The following ADAM32 variants were observed in gnomAD, a reference collection of about 807,000 sequenced individuals.
ADAM32 encodes the protein disintegrin and metalloproteinase domain-containing protein 32.
In ADAM32, 89 loss-of-function variants were observed where a neutral mutation model predicts 114.9. That is an observed-to-expected ratio of 0.77 (90% CI 0.65 to 0.92). ADAM32 has a LOEUF of 0.92. Ranked by LOEUF, ADAM32 falls within the 40% of genes least tolerant of loss-of-function variation. The pLI is 0.00. For synonymous variants in ADAM32, 285 were observed against 307.5 expected (o/e 0.93, Z 0.77); for missense variants, 870 against 932.8 (o/e 0.93, Z 0.88).
chr8:39,232,774 G>T lies in ADAM32; in HGVS notation c.1634+639G>T, dbSNP rs530182838. 3.3e-5 allele frequency among the ~76,000 whole-genome samples: 5 copies of T among 152,226 alleles called. No homozygotes were observed. In the South Asian group the frequency reaches 1.0e-3, roughly 32 times the overall value. On this transcript the variant is annotated intron_variant, in intron 15 of 24. Transcript: ENST00000379907. The stretch of plus-strand genomic sequence containing the variant: ...CTCCTCTATGAAGTTTTTCTTAACT[G>T]TGAAGTTAGAATGTGTCCTCTAACC...
chr8:39,271,606 A>G (rs2129451340), intron 20 of ADAM32, among the ~76,000 whole-genome samples: 1 of 152,260 alleles, frequency 6.6e-6, no homozygotes, highest in South Asian at 2.1e-4. Context: ...TAAACAAGAA[A>G]TAAAGGAGCT....
At chr8:39,173,865 C>T (rs1363195709) in intron 10 of ADAM32, among the ~76,000 whole-genome samples, 1 of 152,014 alleles carries the variant, frequency 6.6e-6, no homozygotes, top group Non-Finnish European at 1.5e-5. Flanking sequence ...CACTCTGTAG[C>T]CCAGGCTGGA....
chr8:39,162,345 A>C (rs1299862337), intron 7 of ADAM32, among the ~76,000 whole-genome samples: 2 of 151,894 alleles, frequency 1.3e-5, no homozygotes, highest in East Asian at 1.9e-4. Context: ...TGAACTCATC[A>C]TTTTTTATGG....
chr8:39,171,824 GTTC>G (rs1020475399), intron 10 of ADAM32, among the ~76,000 whole-genome samples: 16 of 150,736 alleles, frequency 1.1e-4, no homozygotes, highest in African/African-American at 1.7e-4. Context: ...TTAAATATTG[GTTC>G]TTATTTTTAA....
At chr8:39,270,504 C>G (rs754198535) in intron 19 of ADAM32, among the ~76,000 whole-genome samples, 1 of 152,192 alleles carries the variant, frequency 6.6e-6, no homozygotes, top group Non-Finnish European at 1.5e-5. Context: ...TACTAAATCT[C>G]TGGCCTCAGA....
chr8:39,223,195 C>A lies in ADAM32; in HGVS notation c.1482C>A (p.Asp494Glu), dbSNP rs374870426. 3.1e-6 allele frequency: 5 copies of A among 1,597,598 alleles called. No individual in the cohort carries two copies. Among genetic ancestry groups the A allele is most frequent in the African/African-American group, 1.3e-5 (1 of 74,254 alleles). The change falls in exon 14 of 25, where the codon GAC (aspartate) becomes GAA (glutamate). Residue 494 changes from aspartate (D) to glutamate (E), a missense_variant. Asp to Glu is a conservative substitution (Grantham distance 45, BLOSUM62 2). Transcript: ENST00000379907. Reference protein sequence around the residue: ...KNNKFICYDGDCHDLDARCES... With the variant: ...KNNKFICYDGECHDLDARCES... ...ATAAGTTTATTTGTTATGACGGAGA[C>A]TGCCATGATCTCGATGCACGTTGTG...
At chr8:39,263,452 T>C (rs1029465420) in intron 19 of ADAM32, among the ~76,000 whole-genome samples, 16 of 152,334 alleles carry the variant, frequency 1.1e-4, no homozygotes, top group Admixed American at 4.6e-4. Context: ...TACTTTAGTG[T>C]CCCCATTCTA....
intron 13 of ADAM32, among the ~76,000 whole-genome samples, 152 bp from the exon 14 acceptor site, chr8:39,222,888 A>G (rs958159397): frequency 1.3e-5 from 2 of 152,090 alleles, no homozygotes; most frequent in African/African-American, 2.4e-5. Flanking sequence ...TTATATTTTT[A>G]TATTATTAGC....
At chr8:39,259,221 C>T (rs62504808) in intron 19 of ADAM32, among the ~76,000 whole-genome samples, 2,537 of 150,484 alleles carry the variant, frequency 0.017, 25 homozygotes, top group Middle Eastern at 0.034. Flanking sequence ...TTTTTTGAGA[C>T]GAAGCTTTGC....
Position 39,274,318 on chromosome 8 carries a change from C to T in ADAM32, c.2208C>T (p.Ser736=). 5.6e-6 allele frequency: 9 copies of T among 1,613,122 alleles called. No individual in the cohort carries two copies. The highest frequency in any genetic ancestry group is 7.6e-6 in the Non-Finnish European group (9 of 1,179,540). The part of the protein sequence containing the change: ...GSTQTYASQS[S]SEGSTQTYAS... ...GCTTTCAATTTTTTTTTAGATCCAG[C>T]TCAGAAGGCAGCACTCAGACATATG... Residue 736 remains serine (S), a synonymous_variant, in exon 21 of 25, where the codon AGC becomes AGT. Transcript: ENST00000379907.
chr8:39,138,604 T>C (rs369334483), intron 3 of ADAM32, among the ~76,000 whole-genome samples: 3 of 152,362 alleles, frequency 2.0e-5, no homozygotes, highest in East Asian at 3.8e-4. Flanking sequence ...TCCAAGTCTT[T>C]ACTATTGTGA....
chr8:39,114,058 C>T (rs562525558), intron 1 of ADAM32, among the ~76,000 whole-genome samples: 8 of 152,232 alleles, frequency 5.3e-5, no homozygotes, highest in South Asian at 2.1e-4. Context: ...TTAATTTCAA[C>T]GAGCTAGTTC....
At chr8:39,107,698 C>T (rs1588448916), upstream of ADAM32, 3 of 1,544,770 alleles carry the variant, frequency 1.9e-6, no homozygotes, top group African/African-American at 1.4e-5. Context: ...GAGCGGCCCC[C>T]GGCGTCCGCG....
chr8:39,199,347 T>G (rs1807222696), intron 11 of ADAM32, among the ~76,000 whole-genome samples: 1 of 152,188 alleles, frequency 6.6e-6, no homozygotes, highest in South Asian at 2.1e-4. Context: ...ATGTGAATAT[T>G]TTGTTCCTGT....
intron 24 of ADAM32, among the ~76,000 whole-genome samples, chr8:39,283,862 C>T (rs1813607916): frequency 6.6e-6 from 1 of 151,448 alleles, no homozygotes; most frequent in South Asian, 2.1e-4. Context: ...CAACCTCAGC[C>T]TCCCGCGTTC....
chr8:39,206,634 T>G (rs565570963), intron 11 of ADAM32, among the ~76,000 whole-genome samples: 21 of 152,220 alleles, frequency 1.4e-4, no homozygotes, highest in Non-Finnish European at 2.4e-4. Context: ...TTGGTTCCCT[T>G]CATCCTTGAG....
At chr8:39,203,239 G>A (rs917534808) in intron 11 of ADAM32, among the ~76,000 whole-genome samples, 1 of 152,134 alleles carries the variant, frequency 6.6e-6, no homozygotes, top group Non-Finnish European at 1.5e-5. Flanking sequence ...GGGTGTTAAA[G>A]TCTCCCATTA....
intron 13 of ADAM32, among the ~76,000 whole-genome samples, 168 bp downstream of exon 13, chr8:39,221,870 G>A (rs1054956358): frequency 1.3e-5 from 2 of 151,866 alleles, no homozygotes; most frequent in African/African-American, 4.8e-5. Context: ...CTTTTCTTAG[G>A]TGTTCTATAT....
intron 14 of ADAM32, 28 bp downstream of exon 14, chr8:39,223,266 G>A (rs756823665): frequency 1.2e-5 from 17 of 1,455,344 alleles, no homozygotes; most frequent in Non-Finnish European, 1.6e-5. Flanking sequence ...CATCTCAATA[G>A]CCCTTAACAT....
Sources: allele counts gnomAD v4.1 joint callset (sites outside exome capture counted in the v4.1 genomes callset), GRCh38; gene constraint gnomAD v4.1.1; transcripts MANE v1.5; gene names NCBI Gene and HGNC (gene_info 2026-07-23, HGNC 2026-07-21).